NTRK3: variants seen among roughly 807,000 people sequenced by gnomAD.
The protein encoded by NTRK3 is neurotrophic receptor tyrosine kinase 3, also known as NT-3 growth factor receptor.
Under a neutral mutation model 91.7 loss-of-function variants are expected in NTRK3, and 24 were observed. The ratio of observed to expected loss-of-function variants is 0.26; its 90% CI spans 0.19 to 0.37. The LOEUF is 0.37. Among genes scored for constraint, NTRK3 ranks in the 10% least tolerant of loss-of-function variants. NTRK3 has a pLI of 1.00. For missense variants in NTRK3, 880 were observed against 1,068.9 expected, an observed-to-expected ratio of 0.82 and a Z score of 2.46; for synonymous variants, 483 against 404.0, an observed-to-expected ratio of 1.20 and a Z score of -2.34.
Position 88,183,534 on chromosome 15 carries a change from G to A in NTRK3, c.324-45C>T, listed in dbSNP as rs114848993. The stretch of plus-strand genomic sequence containing the variant: ...GGATCAGCAGAGCTCAAGTGGCAGA[G>A]GGATATCTGCTCTGGGCTGAGGCTG... On this transcript the variant is annotated intron_variant, in intron 4 of 18. Transcript: ENST00000394480. 1,743 of 1,554,984 alleles carry A rather than the reference G, an allele frequency of 1.1e-3. 23 individuals are homozygous for A. In the African/African-American group the frequency reaches 0.021, roughly 19 times the overall value.
At chr15:88,256,518 C>CA (rs561718241) in intron 1 of NTRK3, 32 bp from the exon 2 acceptor site, 8,583 of 415,560 alleles carry the variant, frequency 0.021, 33 homozygotes, top group African/African-American at 0.039. Flanking sequence ...GGTGGGGAGG[C>CA]AAAAAAAAAA....
chr15:87,864,748 C>T (rs1443562785), exon 19 of NTRK3: 1 of 227,124 alleles, frequency 4.4e-6, no homozygotes, highest in Non-Finnish European at 8.8e-6. Flanking sequence ...CAGACACCAG[C>T]AAAAATTTAA....
intron 15 of NTRK3, among the ~76,000 whole-genome samples, chr15:87,938,106 C>T (rs1435272508): frequency 2.6e-5 from 4 of 152,126 alleles, no homozygotes; most frequent in Non-Finnish European, 4.4e-5. Flanking sequence ...ATTTAAGAGT[C>T]GCACACATGA....
At chr15:88,092,826 G>C (rs1173793110) in intron 13 of NTRK3, among the ~76,000 whole-genome samples, 3 of 152,114 alleles carry the variant, frequency 2.0e-5, no homozygotes, top group Non-Finnish European at 4.4e-5. Flanking sequence ...CTGCATCTCT[G>C]TCTCACTGCC....
chr15:88,132,789 C>T (rs776867998), intron 10 of NTRK3, among the ~76,000 whole-genome samples: 2 of 152,202 alleles, frequency 1.3e-5, no homozygotes, highest in Non-Finnish European at 2.9e-5. Flanking sequence ...TTCCCTGTCA[C>T]TGCCTTTTCA....
At chr15:87,868,004 A>G (rs922219898) in exon 19 of NTRK3, 4 of 229,794 alleles carry the variant, frequency 1.7e-5, no homozygotes, top group African/African-American at 2.2e-5. Flanking sequence ...GTCAAAGGGT[A>G]TGTGTCGATA....
At chr15:88,118,722 C>T (rs766246699) in intron 13 of NTRK3, among the ~76,000 whole-genome samples, 3 of 152,282 alleles carry the variant, frequency 2.0e-5, no homozygotes, top group African/African-American at 7.2e-5. Flanking sequence ...TGGGAAAGCC[C>T]GGTGACATCC....
rs113942112 is a variant in NTRK3 at position 88,203,452 on chromosome 15, CT to C, written c.249-19154del. 5.2e-4 allele frequency among the ~76,000 whole-genome samples: 79 copies of C among 152,270 alleles called. 2 individuals carry two copies. Among genetic ancestry groups the C allele is most frequent in the African/African-American group, 1.6e-3 (67 of 41,554 alleles). ...TGTGTCAGTCTCTGCATTTACCCCC[CT>C]AATCTCATTTCAATCCCATAACCAC... On this transcript the variant is annotated intron_variant, in intron 3 of 18. Coordinates refer to ENST00000394480, the Ensembl canonical transcript of NTRK3.
chr15:88,042,227 C>T (rs981309085), intron 13 of NTRK3, among the ~76,000 whole-genome samples: 2 of 152,172 alleles, frequency 1.3e-5, no homozygotes, highest in African/African-American at 4.8e-5. Flanking sequence ...CAGCCATGCT[C>T]AGAGAGGGAT....
At chr15:88,175,416 C>T (rs1443932049) in intron 5 of NTRK3, among the ~76,000 whole-genome samples, 1 of 151,884 alleles carries the variant, frequency 6.6e-6, no homozygotes, top group Non-Finnish European at 1.5e-5. Flanking sequence ...AGAGATAGAG[C>T]AATAGATATA....
At chr15:88,125,357 C>T (rs1316929220) in intron 13 of NTRK3, among the ~76,000 whole-genome samples, 2 of 152,180 alleles carry the variant, frequency 1.3e-5, no homozygotes, top group East Asian at 1.9e-4. Flanking sequence ...GACACAAGCT[C>T]ATGCAGAGAA....
intron 14 of NTRK3, among the ~76,000 whole-genome samples, chr15:87,989,617 G>C (rs946177961): frequency 6.6e-6 from 1 of 151,686 alleles, no homozygotes; most frequent in Non-Finnish European, 1.5e-5. Context: ...AAACCTGCAC[G>C]TTGTGCACAT....
chr15:88,226,754 C>A (rs2050713162), intron 3 of NTRK3, among the ~76,000 whole-genome samples: 1 of 152,212 alleles, frequency 6.6e-6, no homozygotes, highest in South Asian at 2.1e-4. Context: ...ATAAAAGTAA[C>A]AACAATAATC....
At chr15:88,037,365 C>T (rs889258172) in intron 13 of NTRK3, among the ~76,000 whole-genome samples, 3 of 152,136 alleles carry the variant, frequency 2.0e-5, no homozygotes, top group Admixed American at 6.5e-5. Flanking sequence ...CATTCGAGAC[C>T]AGCCTGGCCA....
intron 16 of NTRK3, among the ~76,000 whole-genome samples, chr15:87,931,567 C>T (rs1235111152): frequency 6.6e-6 from 1 of 152,188 alleles, no homozygotes; most frequent in East Asian, 1.9e-4. Context: ...CAATTTGCAA[C>T]TAAGATGTGA....
chr15:87,980,100 A>T (rs929324710), intron 14 of NTRK3, among the ~76,000 whole-genome samples: 1 of 152,124 alleles, frequency 6.6e-6, no homozygotes, highest in African/African-American at 2.4e-5. Context: ...CATCTTTCCA[A>T]ATCTTACAGG....
At chr15:87,992,560 T>C (rs977139779) in intron 14 of NTRK3, among the ~76,000 whole-genome samples, 3 of 152,258 alleles carry the variant, frequency 2.0e-5, no homozygotes, top group East Asian at 1.9e-4. Flanking sequence ...TAAGACTATT[T>C]GGAAAAAAAA....
intron 3 of NTRK3, among the ~76,000 whole-genome samples, chr15:88,225,473 T>C (rs928760192): frequency 6.6e-6 from 1 of 152,078 alleles, no homozygotes; most frequent in African/African-American, 2.4e-5. Context: ...CTGGATGCTG[T>C]TCAGAGTGGA....
At chr15:87,908,889 C>T (rs1030766729) in intron 17 of NTRK3, among the ~76,000 whole-genome samples, 7 of 151,864 alleles carry the variant, frequency 4.6e-5, no homozygotes, top group South Asian at 2.1e-4. Flanking sequence ...GACATGAAGA[C>T]GCAATGGGCT....
Sources: allele counts gnomAD v4.1 joint callset (sites outside exome capture counted in the v4.1 genomes callset), GRCh38; gene constraint gnomAD v4.1.1; transcripts MANE v1.5; gene names NCBI Gene and HGNC (gene_info 2026-07-23, HGNC 2026-07-21).